Variants in SCN10A observed in about 807,000 individuals in gnomAD.
SCN10A encodes sodium voltage-gated channel alpha subunit 10, also known as sodium channel protein type 10 subunit alpha.
Under a neutral mutation model 170.7 loss-of-function variants are expected in SCN10A, and 162 were observed. The observed-to-expected ratio is 0.95, with a 90% confidence interval of 0.84 to 1.08. The LOEUF is 1.08. SCN10A is among the 50% of genes least tolerant of loss of function. SCN10A has a pLI of 0.00. For synonymous variants in SCN10A, 985 were observed against 904.6 expected (o/e 1.09, Z -1.59); for missense variants, 2,527 against 2,436.9 (o/e 1.04, Z -0.78).
intron 26 of SCN10A, among the ~76,000 whole-genome samples, chr3:38,702,836 A>G (rs2063170980): frequency 2.0e-5 from 3 of 152,194 alleles, no homozygotes; most frequent in Admixed American, 2.0e-4. Flanking sequence ...CCAAGAGATC[A>G]TTTATATCTG....
At chr3:38,739,843 G>C (rs2063612407) in intron 14 of SCN10A, among the ~76,000 whole-genome samples, 155 bp from the exon 15 acceptor site, 1 of 152,322 alleles carries the variant, frequency 6.6e-6, no homozygotes, top group East Asian at 1.9e-4. Flanking sequence ...GATTGGCCAG[G>C]GTAACAGTCA....
At chr3:38,737,022 T>C (rs1261370354) in intron 15 of SCN10A, among the ~76,000 whole-genome samples, 5 of 126,502 alleles carry the variant, frequency 4.0e-5, no homozygotes, top group Admixed American at 2.7e-4. Context: ...CCAGGCCGGA[T>C]TGCAGTGGCG....
chr3:38,735,407 A>G (rs1001588868), intron 15 of SCN10A, among the ~76,000 whole-genome samples: 14 of 152,200 alleles, frequency 9.2e-5, no homozygotes, highest in Non-Finnish European at 1.9e-4. Context: ...TCATGGAAAC[A>G]TTTTTAAACT....
At chr3:38,730,004 AAAC>A (rs1461759019) in intron 15 of SCN10A, among the ~76,000 whole-genome samples, 1 of 152,246 alleles carries the variant, frequency 6.6e-6, no homozygotes, top group Non-Finnish European at 1.5e-5. Flanking sequence ...GCAGAGCTTA[AAAC>A]AACAACTCTG....
At chr3:38,737,103 T>TG (rs1283983848) in intron 15 of SCN10A, among the ~76,000 whole-genome samples, 4 of 149,214 alleles carry the variant, frequency 2.7e-5, no homozygotes, top group African/African-American at 9.9e-5. Flanking sequence ...CCCGAGTAGC[T>TG]GGGACTACAG....
intron 6 of SCN10A, among the ~76,000 whole-genome samples, chr3:38,762,845 G>T (rs1035534375): frequency 6.6e-6 from 1 of 152,094 alleles, no homozygotes; most frequent in African/African-American, 2.4e-5. Context: ...TGAGAGGAGA[G>T]AACCTATCAG....
chr3:38,746,100 T>TATATCTATATATCTAG (rs71085336), intron 13 of SCN10A, among the ~76,000 whole-genome samples: 1 of 99,820 alleles, frequency 1.0e-5, no homozygotes, highest in Admixed American at 1.0e-4. Flanking sequence ...TATATATATA[T>TATATCTATATATCTAG]GCCATCTTTG....
intron 4 of SCN10A, 116 bp downstream of exon 4, chr3:38,788,840 G>A (rs2064242636): frequency 1.5e-6 from 1 of 683,144 alleles, no homozygotes; most frequent in Non-Finnish European, 2.7e-6. Flanking sequence ...TAGACAATGA[G>A]ATTCAGCATT....
chr3:38,710,873 T>C lies in SCN10A; in HGVS notation c.4114A>G (p.Ile1372Val), dbSNP rs781030516. The C allele has an allele frequency of 6.8e-6, 11 of 1,613,734 alleles. No homozygotes were observed. The South Asian group carries it at 1.1e-4, about 16-fold the overall frequency. The change falls in exon 24 of 28, where the codon ATT (isoleucine) becomes GTT (valine). Residue 1372 changes from isoleucine to valine, a missense_variant. Coordinates refer to ENST00000449082, the MANE Select transcript of SCN10A (RefSeq NM_006514.4). Reference sequence around the variant, plus strand: ...CGGGAATCAACAGCTGCATACATAATGTCCATCCAGCCTTTAAAGGTTGCC... The same window carrying C: ...CGGGAATCAACAGCTGCATACATAACGTCCATCCAGCCTTTAAAGGTTGCC... ...QVATFKGWMD[I>V]MYAAVDSREV...
intron 4 of SCN10A, among the ~76,000 whole-genome samples, chr3:38,785,604 A>G (rs865875518): frequency 1.6e-4 from 24 of 152,354 alleles, no homozygotes; most frequent in Middle Eastern, 3.4e-3. Context: ...ATCAAAAGCA[A>G]TGGTGACAAA....
chr3:38,783,470 G>T (rs2064162996), intron 4 of SCN10A, among the ~76,000 whole-genome samples: 1 of 151,822 alleles, frequency 6.6e-6, no homozygotes, highest in Admixed American at 6.6e-5. Flanking sequence ...GTAATCCTTT[G>T]CATTTGGCTT....
At chr3:38,766,829 T>C (rs1447208567) in intron 5 of SCN10A, among the ~76,000 whole-genome samples, 2 of 152,188 alleles carry the variant, frequency 1.3e-5, no homozygotes, top group Non-Finnish European at 2.9e-5. Context: ...GAATGTCTGA[T>C]AGAATTCAGC....
intron 26 of SCN10A, among the ~76,000 whole-genome samples, chr3:38,703,345 C>G (rs1445119524): frequency 6.6e-6 from 1 of 152,182 alleles, no homozygotes; most frequent in Non-Finnish European, 1.5e-5. Context: ...CTCTAATGAC[C>G]TAGTTTCTCC....
chr3:38,734,816 T>G (rs560394921), intron 15 of SCN10A, among the ~76,000 whole-genome samples: 1 of 152,308 alleles, frequency 6.6e-6, no homozygotes, highest in African/African-American at 2.4e-5. Context: ...AACAGTGTAC[T>G]GGATGTCCTA....
At chr3:38,729,216 G>A (rs935490688) in intron 15 of SCN10A, among the ~76,000 whole-genome samples, 1 of 152,102 alleles carries the variant, frequency 6.6e-6, no homozygotes. Flanking sequence ...TCCTGAATAT[G>A]GGCCTCTTCT....
rs753631651 is a variant in SCN10A at position 38,750,129 on chromosome 3, G to T, written c.1811C>A (p.Pro604His). 3.7e-6 allele frequency: 6 copies of T among 1,613,270 alleles called. No individual in the cohort carries two copies. The highest frequency in any genetic ancestry group is 5.1e-6 in the Non-Finnish European group (6 of 1,179,552). ...TFLSAEYLDE[P>H]FRAQRAMSVV... ...ACTCATTGCCCTTTGGGCCCGGAAAGGTTCATCTAAGTATTCTGCTGACAA... is the reference window on the plus strand; with the variant it reads ...ACTCATTGCCCTTTGGGCCCGGAAATGTTCATCTAAGTATTCTGCTGACAA... Residue 604 changes from proline to histidine, a missense_variant, in exon 13 of 28, where the codon CCT (proline) becomes CAT (histidine). Pro to His is a moderately conservative substitution (Grantham distance 77). Coordinates refer to ENST00000449082, the MANE Select transcript of SCN10A (RefSeq NM_006514.4).
chr3:38,697,240 T>C lies in SCN10A; in HGVS notation c.*109A>G, dbSNP rs1423951604. Reference sequence around the variant, plus strand: ...TGCCCAGTTCTGACATTGTGACCAGTGGCATGCATTGGTGAGGCTGTAGCT... The same window carrying C: ...TGCCCAGTTCTGACATTGTGACCAGCGGCATGCATTGGTGAGGCTGTAGCT... On this transcript the variant is annotated 3_prime_UTR_variant, in exon 28 of 28. Transcript: ENST00000449082. 2.7e-6 allele frequency: 4 copies of C among 1,506,210 alleles called. No homozygotes were observed. The highest frequency in any genetic ancestry group is 3.6e-6 in the Non-Finnish European group (4 of 1,125,194). The allele number at this position is 1,506,210 out of a possible 1,614,324, so 93.3% of individuals were successfully genotyped here.
At chr3:38,722,886 T>G (rs914470680) in intron 19 of SCN10A, among the ~76,000 whole-genome samples, 2 of 152,256 alleles carry the variant, frequency 1.3e-5, no homozygotes, top group Non-Finnish European at 2.9e-5. Context: ...TTCTTTGTAT[T>G]TTTAGAAAGC....
At position 38,713,994 on chromosome 3, in the gene SCN10A, C is replaced by T; in HGVS notation, c.3768G>A (p.Arg1256=). Residue 1256 remains arginine, a synonymous_variant, in exon 22 of 28, where the codon CGG becomes CGA. Coordinates refer to ENST00000449082, the MANE Select transcript of SCN10A (RefSeq NM_006514.4). ...CAAATCGAGAAAGAGCCCGCAGTGG[C>T]CGCAGAGCGCGAAGGGTTCGAAGGG... ...IKALRTLRAL[R]PLRALSRFEG... 1.9e-6 allele frequency: 3 copies of T among 1,613,984 alleles called. No homozygotes were observed. Among genetic ancestry groups the T allele is most frequent in the Non-Finnish European group, 2.5e-6 (3 of 1,180,040 alleles).
Sources: gnomAD v4.1 joint callset for allele counts (sites outside exome capture counted in the v4.1 genomes callset) on GRCh38, gnomAD v4.1.1 for gene constraint, MANE v1.5 for transcripts, NCBI Gene and HGNC (gene_info 2026-07-23, HGNC 2026-07-21) for gene names.